Variants in ROBO1 observed in about 807,000 individuals in gnomAD.
ROBO1 encodes the protein roundabout homolog 1.
ROBO1 carries 149 observed loss-of-function variants against 195.9 expected under a neutral mutation model. That is an observed-to-expected ratio of 0.76 (90% CI 0.67 to 0.87). The LOEUF (loss-of-function observed/expected upper bound fraction) is 0.87, where lower values mean the gene tolerates loss of function less well. Among genes scored for constraint, ROBO1 ranks in the 40% least tolerant of loss-of-function variants. ROBO1 has a pLI of 0.00. For missense variants in ROBO1, 1,933 were observed against 2,068.3 expected, an observed-to-expected ratio of 0.93 and a Z score of 1.27; for synonymous variants, 816 against 733.2, an observed-to-expected ratio of 1.11 and a Z score of -1.82.
chr3:79,286,433 T>C (rs2031892139), intron 2 of ROBO1, among the ~76,000 whole-genome samples: 1 of 152,188 alleles, frequency 6.6e-6, no homozygotes, highest in Non-Finnish European at 1.5e-5. Context: ...AATGCAGTCA[T>C]ACTCAATTTG....
intron 2 of ROBO1, among the ~76,000 whole-genome samples, chr3:79,466,540 C>T (rs929726614): frequency 3.3e-5 from 5 of 151,960 alleles, no homozygotes; most frequent in Admixed American, 3.3e-4. Flanking sequence ...AAGAAGAGTT[C>T]TATCAGGCAA....
At chr3:79,041,715 C>T (rs1239323412) in intron 3 of ROBO1, among the ~76,000 whole-genome samples, 1 of 151,898 alleles carries the variant, frequency 6.6e-6, no homozygotes, top group African/African-American at 2.4e-5. Flanking sequence ...ACACAGATAG[C>T]CCTTAATACT....
At chr3:79,680,512 A>T (rs1946912874) in intron 1 of ROBO1, among the ~76,000 whole-genome samples, 1 of 152,066 alleles carries the variant, frequency 6.6e-6, no homozygotes, top group Non-Finnish European at 1.5e-5. Flanking sequence ...AGTGAGGTAC[A>T]TGAACTAGAG....
chr3:78,708,518 AT>A (rs1234962629), intron 8 of ROBO1, among the ~76,000 whole-genome samples: 1 of 152,158 alleles, frequency 6.6e-6, no homozygotes, highest in Non-Finnish European at 1.5e-5. Context: ...TAATAATATA[AT>A]TTGGCCATCA....
At chr3:79,285,569 C>T (rs1184704846) in intron 2 of ROBO1, among the ~76,000 whole-genome samples, 8 of 152,222 alleles carry the variant, frequency 5.3e-5, no homozygotes, top group Middle Eastern at 3.4e-3. Context: ...TCATGGGACC[C>T]TTCAAGGAAG....
intron 4 of ROBO1, among the ~76,000 whole-genome samples, chr3:78,792,528 G>C (rs17311036): frequency 0.26 from 38,844 of 152,000 alleles, 5,126 homozygotes; most frequent in Non-Finnish European, 0.28. Context: ...AAGCTATCAA[G>C]GGGTACAGGA....
At chr3:79,127,935 T>G (rs901270859) in intron 2 of ROBO1, among the ~76,000 whole-genome samples, 9 of 152,186 alleles carry the variant, frequency 5.9e-5, no homozygotes, top group Non-Finnish European at 1.0e-4. Context: ...CTGCCTTTAA[T>G]TAATGATATG....
chr3:79,021,677 T>A (rs1576580296), intron 3 of ROBO1, among the ~76,000 whole-genome samples: 2 of 77,726 alleles, frequency 2.6e-5, no homozygotes, highest in Admixed American at 3.4e-4. Context: ...TTTTTTTTTT[T>A]AGAGACGGAG....
At chr3:79,557,744 AT>A (rs1156840300) in intron 2 of ROBO1, among the ~76,000 whole-genome samples, 8,607 of 102,428 alleles carry the variant, frequency 0.084, 369 homozygotes, top group Non-Finnish European at 0.092. Flanking sequence ...ACAAAAAAAA[AT>A]ATATATATAT....
chr3:78,603,769 G>A (rs1703310458), intron 29 of ROBO1, among the ~76,000 whole-genome samples: 1 of 151,882 alleles, frequency 6.6e-6, no homozygotes, highest in Admixed American at 6.6e-5. Flanking sequence ...ATATACATAG[G>A]GTTATGATCC....
In ROBO1 at chr3:78,997,053, T is replaced by A. The variant is rs544444606; in HGVS notation, c.173-58126A>T. ...ATAAATGGGGGATGCTATCTACTGG[T>A]AGTGAGACAGGCCCAGGAAGGCTGC... is the stretch of plus-strand genomic sequence containing the variant. On this transcript the variant is annotated intron_variant, in intron 3 of 30. Coordinates refer to ENST00000464233, the MANE Select transcript of ROBO1 (RefSeq NM_002941.4). Among the ~76,000 whole-genome samples, 39 of 152,226 alleles carry A rather than the reference T, an allele frequency of 2.6e-4. No individual in the cohort carries two copies. In the Middle Eastern group the frequency reaches 0.01, roughly 40 times the overall value.
At chr3:79,076,818 A>G (rs1300667390) in intron 3 of ROBO1, among the ~76,000 whole-genome samples, 3 of 151,776 alleles carry the variant, frequency 2.0e-5, no homozygotes, top group Non-Finnish European at 4.4e-5. Context: ...GCCTTTTATT[A>G]TTAATAGATA....
At chr3:78,808,965 A>ATG (rs2084639709) in intron 4 of ROBO1, among the ~76,000 whole-genome samples, 1 of 152,194 alleles carries the variant, frequency 6.6e-6, no homozygotes, top group South Asian at 2.1e-4. Flanking sequence ...AAACACCAAA[A>ATG]GCAATGGCAA....
At chr3:79,523,514 C>G (rs1182158388) in intron 2 of ROBO1, among the ~76,000 whole-genome samples, 1 of 129,580 alleles carries the variant, frequency 7.7e-6, no homozygotes, top group Non-Finnish European at 1.6e-5. Context: ...CTCTTGTTGT[C>G]CAGGCTTGAG....
intron 5 of ROBO1, among the ~76,000 whole-genome samples, chr3:78,725,109 G>A (rs186386207): frequency 6.6e-6 from 1 of 152,224 alleles, no homozygotes; most frequent in Non-Finnish European, 1.5e-5. Context: ...TCAAGGCAGA[G>A]GTCTTCCTTC....
At chr3:79,287,769 G>A (rs551275772) in intron 2 of ROBO1, among the ~76,000 whole-genome samples, 1 of 152,180 alleles carries the variant, frequency 6.6e-6, no homozygotes, top group African/African-American at 2.4e-5. Flanking sequence ...GAAAAGAAAG[G>A]GGAAAATTTA....
At chr3:78,607,849 C>G (rs554356987) in intron 28 of ROBO1, among the ~76,000 whole-genome samples, 240 of 152,194 alleles carry the variant, frequency 1.6e-3, no homozygotes, top group African/African-American at 5.5e-3. Flanking sequence ...TCATCTCAAA[C>G]CTAGATATAA....
chr3:79,096,961 C>T (rs1306640848), intron 3 of ROBO1, among the ~76,000 whole-genome samples: 1 of 151,534 alleles, frequency 6.6e-6, no homozygotes, highest in African/African-American at 2.4e-5. Context: ...GCTTACTTCC[C>T]TTATTTCTTT....
intron 2 of ROBO1, among the ~76,000 whole-genome samples, chr3:79,202,215 C>T (rs1436373597): frequency 1.3e-5 from 2 of 151,992 alleles, no homozygotes; most frequent in Non-Finnish European, 2.9e-5. Flanking sequence ...TTCTCATTCA[C>T]TTTTGATACC....
Sources: gnomAD v4.1 joint callset for allele counts (sites outside exome capture counted in the v4.1 genomes callset) on GRCh38, gnomAD v4.1.1 for gene constraint, MANE v1.5 for transcripts, NCBI Gene and HGNC (gene_info 2026-07-23, HGNC 2026-07-21) for gene names.